CIT: variants seen among roughly 807,000 people sequenced by gnomAD.
CIT encodes citron rho-interacting serine/threonine kinase.
CIT carries 79 observed loss-of-function variants against 272.7 expected under a neutral mutation model. The ratio of observed to expected loss-of-function variants is 0.29; its 90% CI spans 0.24 to 0.35. CIT has a LOEUF of 0.35. CIT is among the 10% of genes least tolerant of loss of function. The probability of loss-of-function intolerance (pLI) is 1.00; values close to 1 mark genes in which losing one functional copy is unlikely to be tolerated. For missense variants in CIT, 1,909 were observed against 2,618.3 expected (o/e 0.73, Z 5.91); for synonymous variants, 948 against 995.6 (o/e 0.95, Z 0.90).
At chr12:119,834,265 C>A in intron 5 of CIT, 37 bp from the exon 6 acceptor site, 1 of 1,543,120 alleles carries the variant, frequency 6.5e-7, no homozygotes, top group Non-Finnish European at 8.7e-7. Context: ...TCTTCACACA[C>A]CCAAAAATAG....
rs1969342831 is a variant in CIT, at chr12:119,840,565, AG to A, written c.517-6338del. Among the ~76,000 whole-genome samples the A allele has an allele frequency of 2.0e-5, 3 of 152,250 alleles. No individual in the cohort carries two copies. The South Asian group carries it at 6.2e-4, about 32-fold the overall frequency. On this transcript the variant is annotated intron_variant, in intron 5 of 47. Coordinates refer to ENST00000392521, the MANE Select transcript of CIT (RefSeq NM_001206999.2). The stretch of plus-strand genomic sequence containing the variant: ...ACAATACACTCAGCAATTGAATTGA[AG>A]TCAATAAGAGGAATTAATATCTCAT...
intron 2 of CIT, among the ~76,000 whole-genome samples, chr12:119,874,691 C>G (rs1283089124): frequency 2.0e-5 from 3 of 151,968 alleles, no homozygotes; most frequent in Non-Finnish European, 2.9e-5. Flanking sequence ...AAAATACCAT[C>G]CTGACTAACA....
chr12:119,740,821 C>T (rs1959022576), intron 24 of CIT, among the ~76,000 whole-genome samples: 1 of 152,110 alleles, frequency 6.6e-6, no homozygotes, highest in Non-Finnish European at 1.5e-5. Context: ...CAGAATGTCA[C>T]CCCCCAACTC....
chr12:119,834,516 C>G (rs951770917), intron 5 of CIT, among the ~76,000 whole-genome samples: 1 of 152,226 alleles, frequency 6.6e-6, no homozygotes, highest in South Asian at 2.1e-4. Flanking sequence ...TTCCCACCCA[C>G]AAGTTGACAC....
At chr12:119,751,706 T>C (rs1468675675) in intron 23 of CIT, among the ~76,000 whole-genome samples, 1 of 151,480 alleles carries the variant, frequency 6.6e-6, no homozygotes, top group Non-Finnish European at 1.5e-5. Context: ...TTTTAAATGA[T>C]TATTGAAAAC....
intron 9 of CIT, among the ~76,000 whole-genome samples, chr12:119,820,007 C>G (rs906516432): frequency 1.3e-5 from 2 of 152,164 alleles, no homozygotes; most frequent in Non-Finnish European, 2.9e-5. Flanking sequence ...TACCAATCCT[C>G]GGTGGGCATG....
At position 119,708,250 on chromosome 12, in the gene CIT, G is replaced by T. The variant is rs1956978561; in HGVS notation, c.5140C>A (p.Pro1714Thr). ...VKQSLAQSHL[P>T]AQPDISPNIF... is the part of the protein sequence containing the mutation. The stretch of plus-strand genomic sequence containing the variant: ...TTGGGTGAGATGTCGGGCTGGGCAG[G>T]CAGGTGGGACTGGGCCAGGGACTGT... Residue 1714 changes from proline (P) to threonine (T), a missense_variant, in exon 40 of 48, where the codon CCT (proline) becomes ACT (threonine). Transcript: ENST00000392521. 6.2e-7 allele frequency: 1 copy of T among 1,608,186 alleles called. No homozygotes were observed. Among genetic ancestry groups the T allele is most frequent in the Non-Finnish European group, 8.5e-7 (1 of 1,177,628 alleles).
chr12:119,853,947 G>A (rs1285343332), intron 4 of CIT, among the ~76,000 whole-genome samples: 1 of 152,128 alleles, frequency 6.6e-6, no homozygotes, highest in South Asian at 2.1e-4. Flanking sequence ...AACACTTTGG[G>A]AGGGGGAGAT....
At chr12:119,832,099 T>C (rs1311119925) in intron 7 of CIT, among the ~76,000 whole-genome samples, 1 of 152,222 alleles carries the variant, frequency 6.6e-6, no homozygotes, top group African/African-American at 2.4e-5. Context: ...CCTAAGTCGA[T>C]TTTCTCTTAG....
chr12:119,784,880 C>T lies in CIT; in HGVS notation c.1401+80G>A, dbSNP rs1486358559. ...GGATCAGGCGGCTCAGAGCCAGCAG[C>T]GGCCCCGGGCGGATCCCTTGGCATA... On this transcript the variant is annotated intron_variant, in intron 11 of 47. Coordinates refer to ENST00000392521, the MANE Select transcript of CIT (RefSeq NM_001206999.2). This position sits in a 1 kb window ranked among gnomAD's most constrained non-coding sequence, Gnocchi z 4.7. 11 of 1,542,770 alleles carry T rather than the reference C, an allele frequency of 7.1e-6. No homozygotes were observed. Among genetic ancestry groups the T allele is most frequent in the Middle Eastern group, 2.2e-4 (1 of 4,562 alleles).
intron 9 of CIT, among the ~76,000 whole-genome samples, chr12:119,810,688 T>G (rs1966839493): frequency 1.6e-5 from 2 of 122,562 alleles, no homozygotes; most frequent in Non-Finnish European, 3.2e-5. Flanking sequence ...GGCAGCAGAG[T>G]GAGATTCCAT....
chr12:119,840,717 A>C (rs932368044), intron 5 of CIT, among the ~76,000 whole-genome samples: 1 of 152,234 alleles, frequency 6.6e-6, no homozygotes, highest in African/African-American at 2.4e-5. Context: ...CTGGTTTCCA[A>C]ACCCTGGCTT....
intron 13 of CIT, among the ~76,000 whole-genome samples, chr12:119,778,994 C>T (rs1338037658): frequency 6.6e-6 from 1 of 152,050 alleles, no homozygotes; most frequent in Non-Finnish European, 1.5e-5. Flanking sequence ...CCCGAGGTGG[C>T]GGATCACTTG....
At chr12:119,708,680 G>A (rs1957001282) in intron 39 of CIT, among the ~76,000 whole-genome samples, 1 of 151,876 alleles carries the variant, frequency 6.6e-6, no homozygotes, top group Non-Finnish European at 1.5e-5. Flanking sequence ...AGTAGAGATG[G>A]GGTTTCGCCA....
intron 9 of CIT, among the ~76,000 whole-genome samples, chr12:119,814,294 CCAAT>C (rs1319728163): frequency 6.6e-6 from 1 of 152,084 alleles, no homozygotes; most frequent in Non-Finnish European, 1.5e-5. Context: ...TTTTTTCTTA[CCAAT>C]CATTTACCTT....
In CIT at chr12:119,770,948, T is replaced by C. The variant is rs773592135; in HGVS notation, c.2083-38A>G. On this transcript the variant is annotated intron_variant, in intron 17 of 47. Coordinates refer to ENST00000392521, the MANE Select transcript of CIT (RefSeq NM_001206999.2). The surrounding 1 kb of genome is among the most constrained non-coding windows in gnomAD (Gnocchi z 4.4). ...AATCAATCAGAGAGTTTTAATGGAG[T>C]AACCGCTATGGGCATAACACCTGCA... 1.2e-6 allele frequency: 2 copies of C among 1,610,706 alleles called. No individual in the cohort carries two copies. The highest frequency in any genetic ancestry group is 3.3e-5 in the Admixed American group (2 of 59,796).
chr12:119,861,761 C>T (rs986515946), intron 3 of CIT, among the ~76,000 whole-genome samples: 2 of 152,162 alleles, frequency 1.3e-5, no homozygotes, highest in South Asian at 2.1e-4. Flanking sequence ...CACAGAAATA[C>T]TTGCACATGT....
At chr12:119,792,523 G>A (rs1965390728) in intron 10 of CIT, among the ~76,000 whole-genome samples, 1 of 152,098 alleles carries the variant, frequency 6.6e-6, no homozygotes, top group Admixed American at 6.5e-5. Flanking sequence ...AGGCTGGAGT[G>A]CAGTGGTGCG....
At chr12:119,696,582 G>A (rs1011621797) in intron 46 of CIT, among the ~76,000 whole-genome samples, 5 of 152,178 alleles carry the variant, frequency 3.3e-5, no homozygotes, top group African/African-American at 1.2e-4. Context: ...CTGGAGTACA[G>A]TGGTGTGATC....
Sources: allele counts gnomAD v4.1 joint callset (sites outside exome capture counted in the v4.1 genomes callset), GRCh38; gene constraint gnomAD v4.1.1; non-coding constraint Gnocchi (gnomAD v3.1); transcripts MANE v1.5; gene names NCBI Gene and HGNC (gene_info 2026-07-23, HGNC 2026-07-21).